Variants in CHRNA3 observed in about 807,000 individuals in gnomAD.
CHRNA3 encodes the protein cholinergic receptor nicotinic alpha 3 subunit.
In CHRNA3, 34 loss-of-function variants were observed where a neutral mutation model predicts 41.9. That is an observed-to-expected ratio of 0.81 (90% confidence interval 0.62 to 1.08). CHRNA3 has a LOEUF of 1.08. Ranked by LOEUF, CHRNA3 falls within the 50% of genes least tolerant of loss-of-function variation. The pLI is 0.00. For synonymous variants in CHRNA3, 281 were observed against 265.2 expected, an observed-to-expected ratio of 1.06 and a Z score of -0.58; for missense variants, 542 against 638.3, an observed-to-expected ratio of 0.85 and a Z score of 1.63.
intron 4 of CHRNA3, among the ~76,000 whole-genome samples, chr15:78,607,861 C>T (rs1260930435): frequency 2.6e-5 from 4 of 152,238 alleles, no homozygotes; most frequent in Non-Finnish European, 5.9e-5. Flanking sequence ...AATCGGGTCA[C>T]TCCCACCCTA....
At chr15:78,600,266 G>T (rs76223236) in intron 5 of CHRNA3, among the ~76,000 whole-genome samples, 2 of 151,972 alleles carry the variant, frequency 1.3e-5, no homozygotes, top group Admixed American at 1.3e-4. Flanking sequence ...TTAGAGACGG[G>T]GTTTCGCTAT....
At chr15:78,616,773 C>A (rs923416709) in intron 4 of CHRNA3, among the ~76,000 whole-genome samples, 1 of 152,238 alleles carries the variant, frequency 6.6e-6, no homozygotes, top group East Asian at 1.9e-4. Context: ...TTCCTTGAAA[C>A]TTTCCCAATG....
intron 4 of CHRNA3, among the ~76,000 whole-genome samples, chr15:78,612,464 G>A (rs2053394905): frequency 3.6e-5 from 4 of 111,520 alleles, no homozygotes; most frequent in Admixed American, 2.5e-4. Context: ...CAAGCAATGG[G>A]GGAAAGGATT....
chr15:78,606,868 G>C (rs7182583), intron 4 of CHRNA3, among the ~76,000 whole-genome samples: 51,332 of 151,670 alleles, frequency 0.34, 8,928 homozygotes, highest in Non-Finnish European at 0.37. Context: ...CACCACGAGA[G>C]TCTGTCTCAA....
chr15:78,600,533 G>A (rs866360380), intron 5 of CHRNA3, among the ~76,000 whole-genome samples: 16 of 152,006 alleles, frequency 1.1e-4, no homozygotes, highest in South Asian at 4.2e-4. Flanking sequence ...CTGAAGAGGT[G>A]TGCACTTTAC....
At chr15:78,610,116 A>G (rs1290006425) in intron 4 of CHRNA3, among the ~76,000 whole-genome samples, 1 of 152,178 alleles carries the variant, frequency 6.6e-6, no homozygotes, top group East Asian at 1.9e-4. Context: ...AGACTCCCAC[A>G]CAATAATAAT....
intron 5 of CHRNA3, among the ~76,000 whole-genome samples, chr15:78,598,987 C>T (rs1455061279): frequency 6.6e-6 from 1 of 151,402 alleles, no homozygotes; most frequent in Non-Finnish European, 1.5e-5. Context: ...GCTCATGCCA[C>T]CACCACCCCC....
chr15:78,605,497 C>T (rs914726742), intron 4 of CHRNA3, among the ~76,000 whole-genome samples: 9 of 146,410 alleles, frequency 6.1e-5, no homozygotes, highest in Non-Finnish European at 1.1e-4. Flanking sequence ...CAAAAAGTGG[C>T]TGCCCCTCAA....
intron 4 of CHRNA3, among the ~76,000 whole-genome samples, chr15:78,604,250 G>A (rs183725556): frequency 3.9e-5 from 6 of 152,286 alleles, no homozygotes; most frequent in Admixed American, 2.0e-4. Flanking sequence ...GACCCACAAC[G>A]CCTAAAATAT....
At chr15:78,598,558 G>T (rs2053148329) in intron 5 of CHRNA3, among the ~76,000 whole-genome samples, 1 of 151,868 alleles carries the variant, frequency 6.6e-6, no homozygotes, top group Non-Finnish European at 1.5e-5. Flanking sequence ...CTACACTTGG[G>T]CAATTTTTTG....
chr15:78,610,033 T>C (rs1352279139), intron 4 of CHRNA3, among the ~76,000 whole-genome samples: 1 of 152,198 alleles, frequency 6.6e-6, no homozygotes, highest in Non-Finnish European at 1.5e-5. Context: ...CTAACTATCC[T>C]AAATATATAG....
Position 78,618,898 on chromosome 15 carries a change from C to T in CHRNA3, c.100G>A (p.Ala34Thr). ...AGCCGCTCAAATAGACGGTGCTCAGCCTCTGAGGCCCTGGCCACTGTGGGA... is the reference window on the plus strand; with the variant it reads ...AGCCGCTCAAATAGACGGTGCTCAGTCTCTGAGGCCCTGGCCACTGTGGGA... The part of the protein sequence containing the change: ...SLLPVARASE[A>T]EHRLFERLFE... The change falls in exon 2 of 6, where the codon GCT becomes ACT. Residue 34 changes from alanine (A) to threonine (T), a missense_variant. By Grantham distance (58) the Ala-to-Thr change is moderately conservative. Transcript: ENST00000326828. 6.2e-7 allele frequency: 1 copy of T among 1,613,500 alleles called. No homozygotes were observed. The highest frequency in any genetic ancestry group is 8.5e-7 in the Non-Finnish European group (1 of 1,179,948).
At chr15:78,620,399 A>AGGGCGACGGGCAGCGCGGGGT in intron 1 of CHRNA3, 3 of 223,412 alleles carry the variant, frequency 1.3e-5, no homozygotes, top group Non-Finnish European at 1.8e-5. Context: ...CAGCGCGGGG[A>AGGGCGACGGGCAGCGCGGGGT]CGCGAATCCC....
At chr15:78,597,139 G>C (rs1035722733) in intron 5 of CHRNA3, among the ~76,000 whole-genome samples, 1 of 152,202 alleles carries the variant, frequency 6.6e-6, no homozygotes, top group African/African-American at 2.4e-5. Flanking sequence ...TCCAGTTTTA[G>C]ATATAAATTT....
intron 4 of CHRNA3, among the ~76,000 whole-genome samples, chr15:78,608,341 G>A (rs757277406): frequency 7.2e-5 from 11 of 152,158 alleles, no homozygotes; most frequent in Admixed American, 6.5e-4. Flanking sequence ...CACCTCACAC[G>A]GCCGGGTACT....
intron 4 of CHRNA3, among the ~76,000 whole-genome samples, chr15:78,608,308 C>T (rs111704647): frequency 0.28 from 43,171 of 152,008 alleles, 6,628 homozygotes; most frequent in Middle Eastern, 0.41. Flanking sequence ...CTGGGAGACA[C>T]CCCCCAAGTA....
chr15:78,618,593 A>G, intron 3 of CHRNA3, 24 bp downstream of exon 3: 1 of 1,613,878 alleles, frequency 6.2e-7, no homozygotes, highest in South Asian at 1.1e-5. Flanking sequence ...AGGGGGCAGC[A>G]GTGCCTAGGG....
rs781008848 is a variant in CHRNA3 at position 78,601,660 on chromosome 15, C to G, written c.982G>C (p.Val328Leu). 6 of 1,613,964 alleles carry G rather than the reference C, an allele frequency of 3.7e-6. No individual in the cohort carries two copies. The highest frequency in any genetic ancestry group is 5.1e-6 in the Non-Finnish European group (6 of 1,180,042). The change falls in exon 5 of 6, where the codon GTG (valine) becomes CTG (leucine). Residue 328 changes from valine to leucine, a missense_variant. Transcript: ENST00000326828. ...SIVITVFVLN[V>L]HYRTPTTHTM... ...TGTGTCGTCGGGGTTCTGTAGTGCA[C>G]GTTGAGCACGAAGACGGTGATGACG... is the stretch of plus-strand genomic sequence containing the variant.
Position 78,602,238 on chromosome 15 carries a change from T to G in CHRNA3, c.404A>C (p.Asp135Ala). The part of the protein sequence containing the change: ...NNAVGDFQVD[D>A]KTKALLKYTG... Reference sequence around the variant, plus strand: ...GTACTTGAGTAAGGCTTTGGTCTTGTCGTCCACCTGGAAATCCCCAACAGC... The same window carrying G: ...GTACTTGAGTAAGGCTTTGGTCTTGGCGTCCACCTGGAAATCCCCAACAGC... The change falls in exon 5 of 6, where the codon GAC (aspartate) becomes GCC (alanine). Residue 135 changes from aspartate (D) to alanine (A), a missense_variant. Asp to Ala is a moderately radical substitution (Grantham distance 126). Coordinates refer to ENST00000326828, the MANE Select transcript of CHRNA3 (RefSeq NM_000743.5). 1 of 1,613,774 alleles carries G rather than the reference T, an allele frequency of 6.2e-7. No individual in the cohort carries two copies. The highest frequency in any genetic ancestry group is 8.5e-7 in the Non-Finnish European group (1 of 1,179,754).
Sources: allele counts gnomAD v4.1 joint callset (sites outside exome capture counted in the v4.1 genomes callset), GRCh38; gene constraint gnomAD v4.1.1; transcripts MANE v1.5; gene names NCBI Gene and HGNC (gene_info 2026-07-23, HGNC 2026-07-21).